DHX35: variants seen among roughly 807,000 people sequenced by gnomAD.
DHX35 encodes DEAH-box helicase 35.
A neutral mutation model predicts 99.6 loss-of-function variants in DHX35; 84 were observed. That is an observed-to-expected ratio of 0.84 (90% CI 0.71 to 1.01). The LOEUF is 1.01. DHX35 is among the 50% of genes least tolerant of loss of function. The pLI, the probability that DHX35 is intolerant of heterozygous loss-of-function variation, is 0.00. For missense variants in DHX35, 852 were observed against 888.5 expected (o/e 0.96, Z 0.52); for synonymous variants, 331 against 316.2 (o/e 1.05, Z -0.50).
chr20:39,033,961 C>T (rs1017220907), intron 20 of DHX35, among the ~76,000 whole-genome samples: 10 of 152,124 alleles, frequency 6.6e-5, no homozygotes, highest in Admixed American at 1.3e-4. Flanking sequence ...AAAGGTCCTT[C>T]GCGGATAACT....
intron 1 of DHX35, among the ~76,000 whole-genome samples, chr20:38,966,807 CA>C (rs998097980): frequency 3.3e-5 from 5 of 152,170 alleles, no homozygotes; most frequent in African/African-American, 1.2e-4. Flanking sequence ...GGCAGGAATT[CA>C]GGACAAAAAC....
At chr20:39,001,631 C>A in intron 8 of DHX35, 99 bp from the exon 9 acceptor site, 1 of 840,288 alleles carries the variant, frequency 1.2e-6, no homozygotes. Context: ...TCTTGCTACT[C>A]ACCTGTCTTT....
chr20:39,023,743 C>T lies in DHX35; in HGVS notation c.1647C>T (p.Leu549=). The T allele has an allele frequency of 6.2e-7, 1 of 1,613,930 alleles. No homozygotes were observed. Among genetic ancestry groups the T allele is most frequent in the Non-Finnish European group, 8.5e-7 (1 of 1,179,858 alleles). Residue 549 remains leucine, a synonymous_variant, in exon 17 of 22, where the codon CTC becomes CTT. Coordinates refer to ENST00000252011, the MANE Select transcript of DHX35 (RefSeq NM_021931.4). The part of the protein sequence containing the change: ...AVEEGDHLTM[L]NIYEAFIKHN... ...AGGAGGGCGACCACCTCACTATGCT[C>T]AATATATATGAAGCATTTATCAAAG...
intron 3 of DHX35, among the ~76,000 whole-genome samples, chr20:38,974,594 A>G (rs181871313): frequency 1.4e-4 from 22 of 152,338 alleles, no homozygotes; most frequent in African/African-American, 4.8e-4. Flanking sequence ...CTTTGATGAC[A>G]TTAGCAGGAA....
intron 20 of DHX35, among the ~76,000 whole-genome samples, chr20:39,032,176 G>A (rs1447783512): frequency 1.3e-5 from 2 of 151,880 alleles, no homozygotes; most frequent in African/African-American, 4.8e-5. Flanking sequence ...TTGTTTTTTT[G>A]AGACAGTGTC....
chr20:38,990,521 C>T (rs1949984393), intron 5 of DHX35, among the ~76,000 whole-genome samples: 1 of 152,168 alleles, frequency 6.6e-6, no homozygotes, highest in Non-Finnish European at 1.5e-5. Flanking sequence ...TCCTCTGCAT[C>T]CTGCGGGTTC....
intron 1 of DHX35, among the ~76,000 whole-genome samples, chr20:38,964,872 C>T (rs550832908): frequency 6.6e-6 from 1 of 152,148 alleles, no homozygotes; most frequent in Non-Finnish European, 1.5e-5. Flanking sequence ...TAATTCTGAC[C>T]TGGGAGCTTA....
At chr20:38,989,918 A>G (rs534878660) in intron 5 of DHX35, among the ~76,000 whole-genome samples, 7 of 152,246 alleles carry the variant, frequency 4.6e-5, no homozygotes, top group Non-Finnish European at 8.8e-5. Context: ...TGAAATGAAA[A>G]TTGATTATTA....
rs377378435 is a variant in DHX35, at chr20:38,981,901, G to A, written c.268-1798G>A. 1.3e-4 allele frequency among the ~76,000 whole-genome samples: 19 copies of A among 143,710 alleles called. No individual in the cohort carries two copies. In the East Asian group the frequency reaches 3.7e-3, roughly 28 times the overall value. 94.3% of individuals were successfully genotyped at this position (143,710 alleles called of 152,430 possible). On this transcript the variant is annotated intron_variant, in intron 3 of 21. Transcript: ENST00000252011. ...GGAGGTTGCAGTGAGCCGAGATCAC[G>A]CCATTGCACTCCAGCCTGGGCAACA...
intron 8 of DHX35, among the ~76,000 whole-genome samples, chr20:38,996,649 A>C (rs2086434269): frequency 1.3e-5 from 2 of 152,180 alleles, no homozygotes; most frequent in South Asian, 2.1e-4. Flanking sequence ...CCTGGCTCCT[A>C]GTCTCCCTGT....
At chr20:38,981,199 G>C (rs2086166480) in intron 3 of DHX35, among the ~76,000 whole-genome samples, 1 of 152,068 alleles carries the variant, frequency 6.6e-6, no homozygotes, top group Non-Finnish European at 1.5e-5. Flanking sequence ...TATCTTGGGG[G>C]ACATATTTTC....
chr20:38,969,878 A>G (rs73908217), intron 2 of DHX35, among the ~76,000 whole-genome samples: 2,230 of 152,340 alleles, frequency 0.015, 63 homozygotes, highest in African/African-American at 0.051. Flanking sequence ...GCACATCCAC[A>G]TGGGAAGCCA....
intron 4 of DHX35, among the ~76,000 whole-genome samples, chr20:38,986,968 C>T (rs1312133456): frequency 6.6e-6 from 1 of 152,200 alleles, no homozygotes; most frequent in African/African-American, 2.4e-5. Flanking sequence ...GGCAGGGAGC[C>T]TCTGCCCTCC....
chr20:38,976,660 T>A (rs66476511), intron 3 of DHX35, among the ~76,000 whole-genome samples: 24,563 of 152,090 alleles, frequency 0.16, 2,146 homozygotes, highest in Middle Eastern at 0.31. Flanking sequence ...TTAACTATAG[T>A]CACTCTGCTG....
chr20:38,976,931 G>A (rs926815101), intron 3 of DHX35, among the ~76,000 whole-genome samples: 3 of 152,094 alleles, frequency 2.0e-5, no homozygotes, highest in African/African-American at 7.2e-5. Context: ...CAAATGACAG[G>A]ATTTCATTCT....
At chr20:38,969,323 C>T (rs1371143621) in intron 2 of DHX35, 109 bp downstream of exon 2, 10 of 1,289,420 alleles carry the variant, frequency 7.8e-6, no homozygotes, top group Non-Finnish European at 9.3e-6. Context: ...ACAGTGAGCT[C>T]AGAGAAACCC....
At chr20:39,021,036 G>A (rs751063749) in intron 15 of DHX35, among the ~76,000 whole-genome samples, 49 of 152,160 alleles carry the variant, frequency 3.2e-4, no homozygotes, top group Non-Finnish European at 6.5e-4. Context: ...GAGATGGGAC[G>A]AGCAGTGTAG....
rs2087190377 is a variant in DHX35, at chr20:39,038,374, A to T, written c.2068-125A>T. The T allele has an allele frequency of 7.4e-6, 8 of 1,084,830 alleles. No individual in the cohort carries two copies. In the East Asian group the frequency reaches 2.0e-4, roughly 27 times the overall value. The allele number at this position is 1,084,830 out of a possible 1,614,324, so 67.2% of individuals were successfully genotyped here. ...TTCCAGGCTGTTTCATGAACAGCTC[A>T]GCATTTACTGGGAAGGTGTGGACCA... On this transcript the variant is annotated intron_variant, in intron 21 of 21. Coordinates refer to ENST00000252011, the MANE Select transcript of DHX35 (RefSeq NM_021931.4).
intron 21 of DHX35, among the ~76,000 whole-genome samples, chr20:39,035,602 A>G (rs924161668): frequency 2.6e-5 from 4 of 152,194 alleles, no homozygotes; most frequent in Non-Finnish European, 4.4e-5. Context: ...TTTCTCTTGA[A>G]AGACATGTTT....
Sources: gnomAD v4.1 joint callset for allele counts (sites outside exome capture counted in the v4.1 genomes callset) on GRCh38, gnomAD v4.1.1 for gene constraint, MANE v1.5 for transcripts, NCBI Gene and HGNC (gene_info 2026-07-23, HGNC 2026-07-21) for gene names.